ITPR2: variants seen among roughly 807,000 people sequenced by gnomAD.
The protein encoded by ITPR2 is inositol 1,4,5-trisphosphate receptor type 2.
A neutral mutation model predicts 317.1 loss-of-function variants in ITPR2; 207 were observed. The ratio of observed to expected loss-of-function variants is 0.65; its 90% confidence interval spans 0.58 to 0.73. The LOEUF is 0.73. ITPR2 is among the 30% of genes least tolerant of loss of function. The pLI, the probability that ITPR2 is intolerant of heterozygous loss-of-function variation, is 0.00. For missense variants in ITPR2, 2,613 were observed against 3,284.0 expected (o/e 0.80, Z 4.99); for synonymous variants, 1,156 against 1,149.1 (o/e 1.01, Z -0.12).
chr12:26,621,178 T>C lies in ITPR2; in HGVS notation c.3407A>G (p.Tyr1136Cys), dbSNP rs922867222. 1.2e-6 allele frequency: 2 copies of C among 1,613,878 alleles called. No individual in the cohort carries two copies. The highest frequency in any genetic ancestry group is 1.3e-5 in the African/African-American group (1 of 74,920). ...ACTTTCCCCTATTTCTCCATTCTCA[T>C]AGTTGCTGCTCTTCTCCACCCATAG... is the stretch of plus-strand genomic sequence containing the variant. ...SELWVEKSSN[Y>C]ENGEIGESQV... is the part of the protein sequence containing the mutation. Residue 1136 changes from tyrosine to cysteine, a missense_variant, in exon 26 of 57, where the codon TAT becomes TGT. This residue lies in a region of ITPR2 where 817 missense variants were observed against 897.6 expected (regional missense o/e 0.91). Transcript: ENST00000381340.
chr12:26,395,339 T>G (rs114674807), intron 54 of ITPR2, among the ~76,000 whole-genome samples: 2 of 152,270 alleles, frequency 1.3e-5, no homozygotes, highest in African/African-American at 4.8e-5. Context: ...GTTATTGTGA[T>G]GTTTAAAGGA....
intron 54 of ITPR2, among the ~76,000 whole-genome samples, chr12:26,396,886 A>G (rs998290267): frequency 1.3e-5 from 2 of 152,110 alleles, no homozygotes; most frequent in African/African-American, 4.8e-5. Flanking sequence ...GCTATCTTTC[A>G]TATCCTTTCC....
chr12:26,486,702 T>C (rs1942677802), intron 40 of ITPR2: 1 of 538,498 alleles, frequency 1.9e-6, no homozygotes, highest in Non-Finnish European at 3.5e-6. Flanking sequence ...AATACATGGA[T>C]GATTTTGTCA....
At chr12:26,571,342 A>C (rs1369008379) in intron 34 of ITPR2, among the ~76,000 whole-genome samples, 1 of 152,236 alleles carries the variant, frequency 6.6e-6, no homozygotes, top group Non-Finnish European at 1.5e-5. Context: ...ATGGCAATAG[A>C]TAAAGTTACA....
intron 37 of ITPR2, among the ~76,000 whole-genome samples, chr12:26,538,699 C>T (rs925624192): frequency 6.6e-6 from 1 of 152,114 alleles, no homozygotes; most frequent in African/African-American, 2.4e-5. Flanking sequence ...GCCTCACCCT[C>T]CAGAGTAGCT....
intron 2 of ITPR2, among the ~76,000 whole-genome samples, chr12:26,757,302 G>A (rs1258122846): frequency 1.3e-5 from 2 of 150,450 alleles, no homozygotes; most frequent in Non-Finnish European, 3.0e-5. Context: ...TGCAACCTCC[G>A]CCTCCTGGGT....
intron 52 of ITPR2, among the ~76,000 whole-genome samples, chr12:26,403,726 G>A (rs1436734976): frequency 6.6e-6 from 1 of 152,178 alleles, no homozygotes; most frequent in Non-Finnish European, 1.5e-5. Context: ...AATTAATGTA[G>A]ACTCTATATT....
rs1460148590 is a variant in ITPR2 at position 26,655,699 on chromosome 12, A to G, written c.2589+9T>C. 1 of 1,610,138 alleles carries G rather than the reference A, an allele frequency of 6.2e-7. No individual in the cohort carries two copies. Among genetic ancestry groups the G allele is most frequent in the African/African-American group, 1.3e-5 (1 of 74,648 alleles). ...CCAAAACATCCTAAATATTAGAGGG[A>G]CAAAGTACCTCAAATGTCAGTTTAT... On this transcript the variant is annotated intron_variant, in intron 20 of 56. Transcript: ENST00000381340.
At chr12:26,541,060 C>T (rs935088325) in intron 37 of ITPR2, among the ~76,000 whole-genome samples, 5 of 150,084 alleles carry the variant, frequency 3.3e-5, no homozygotes, top group African/African-American at 1.2e-4. Context: ...ATAATCCCAG[C>T]ACTTTGGGAG....
chr12:26,594,642 C>T (rs1463882894), intron 32 of ITPR2, among the ~76,000 whole-genome samples: 1 of 151,822 alleles, frequency 6.6e-6, no homozygotes, highest in Non-Finnish European at 1.5e-5. Context: ...TATATACTGT[C>T]TTCTTTAGTG....
chr12:26,547,432 G>T (rs576818150), intron 37 of ITPR2, among the ~76,000 whole-genome samples: 15 of 152,310 alleles, frequency 9.8e-5, no homozygotes, highest in African/African-American at 3.4e-4. Context: ...TGGAGAAAAG[G>T]AAACTCAAAC....
rs1476275069 is a variant in ITPR2, at chr12:26,428,040, A to C, written c.6818T>G (p.Ile2273Ser). The C allele has an allele frequency of 1.2e-6, 2 of 1,611,854 alleles. No individual in the cohort carries two copies. Among genetic ancestry groups the C allele is most frequent in the African/African-American group, 1.3e-5 (1 of 74,798 alleles). Residue 2273 changes from isoleucine to serine, a missense_variant, in exon 49 of 57, where the codon ATC becomes AGC. By Grantham distance (142) the Ile-to-Ser change is moderately radical (BLOSUM62 -2). Coordinates refer to ENST00000381340, the MANE Select transcript of ITPR2 (RefSeq NM_002223.4). ...FSVLLWIAVA[I>S]CTSMLFFFSK... Reference sequence around the variant, plus strand: ...GAAGAAAAACAGCATAGATGTGCAGATCGCAACTGCTATCCAAAGAAGAAC... The same window carrying C: ...GAAGAAAAACAGCATAGATGTGCAGCTCGCAACTGCTATCCAAAGAAGAAC...
intron 15 of ITPR2, 134 bp downstream of exon 15, chr12:26,663,551 T>C: frequency 1.2e-6 from 1 of 812,084 alleles, no homozygotes; most frequent in Non-Finnish European, 1.9e-6. Context: ...CATTTTTATG[T>C]ATTGCCCAAC....
chr12:26,482,876 T>C (rs989830807), intron 42 of ITPR2, among the ~76,000 whole-genome samples: 3 of 152,344 alleles, frequency 2.0e-5, no homozygotes, highest in Non-Finnish European at 2.9e-5. Flanking sequence ...TGTCAATCGT[T>C]GATGTTTGCT....
intron 49 of ITPR2, among the ~76,000 whole-genome samples, chr12:26,426,441 G>A (rs1659847108): frequency 6.6e-6 from 1 of 152,146 alleles, no homozygotes; most frequent in Non-Finnish European, 1.5e-5. Flanking sequence ...TTTTCTGAAT[G>A]TTTCAATGCC....
At chr12:26,462,827 A>T (rs1942070951) in intron 45 of ITPR2, among the ~76,000 whole-genome samples, 1 of 151,492 alleles carries the variant, frequency 6.6e-6, no homozygotes, top group South Asian at 2.1e-4. Flanking sequence ...GCCTGCCACC[A>T]TGCCTGGCTA....
At chr12:26,488,786 G>A (rs1005381681) in intron 39 of ITPR2, among the ~76,000 whole-genome samples, 1 of 152,156 alleles carries the variant, frequency 6.6e-6, no homozygotes, top group East Asian at 1.9e-4. Flanking sequence ...GGAGTTATGA[G>A]AACTTTGTGG....
chr12:26,532,215 T>C (rs904765961), intron 37 of ITPR2, among the ~76,000 whole-genome samples: 4 of 152,206 alleles, frequency 2.6e-5, no homozygotes, highest in Non-Finnish European at 5.9e-5. Context: ...GTTTGTGTTA[T>C]GTTCCGTAAA....
At chr12:26,535,019 C>G (rs541146206) in intron 37 of ITPR2, among the ~76,000 whole-genome samples, 99 of 152,264 alleles carry the variant, frequency 6.5e-4, no homozygotes, top group African/African-American at 2.0e-3. Context: ...AAAATAACTA[C>G]AAGACAGGAT....
Sources: gnomAD v4.1 joint callset for allele counts (sites outside exome capture counted in the v4.1 genomes callset) on GRCh38, gnomAD v4.1.1 for gene constraint, gnomAD v4.1.1 regional missense constraint, MANE v1.5 for transcripts, NCBI Gene and HGNC (gene_info 2026-07-23, HGNC 2026-07-21) for gene names.